DLGAP2: variants seen among roughly 807,000 people sequenced by gnomAD.
DLGAP2 encodes disks large-associated protein 2.
In DLGAP2, 26 loss-of-function variants were observed where a neutral mutation model predicts 100.3. That is an observed-to-expected ratio of 0.26 (90% CI 0.19 to 0.36). DLGAP2 has a LOEUF of 0.36. Ranked by LOEUF, DLGAP2 falls within the 10% of genes least tolerant of loss-of-function variation. DLGAP2 has a pLI of 1.00. For synonymous variants in DLGAP2, 886 were observed against 630.1 expected, an observed-to-expected ratio of 1.41 and a Z score of -6.08; for missense variants, 1,858 against 1,453.2, an observed-to-expected ratio of 1.28 and a Z score of -4.53.
At chr8:738,983 G>A (rs975661631) in intron 1 of DLGAP2, 23 of 152,592 alleles carry the variant, frequency 1.5e-4, no homozygotes, top group Non-Finnish European at 2.1e-4. Context: ...GGTCCTTCCA[G>A]CCCCTGCGCG....
intron 3 of DLGAP2, among the ~76,000 whole-genome samples, chr8:1,302,982 C>A (rs1250074579): frequency 6.6e-6 from 1 of 152,246 alleles, no homozygotes; most frequent in Non-Finnish European, 1.5e-5. Flanking sequence ...GGAGTCATTC[C>A]TTAGCTGTCG....
chr8:1,195,736 G>T (rs183112381), intron 2 of DLGAP2, among the ~76,000 whole-genome samples: 3 of 152,288 alleles, frequency 2.0e-5, no homozygotes, highest in Admixed American at 1.3e-4. Context: ...TTTAATTTTA[G>T]TTACACAGAT....
At chr8:892,264 G>T (rs909964431) in intron 1 of DLGAP2, among the ~76,000 whole-genome samples, 4 of 152,200 alleles carry the variant, frequency 2.6e-5, no homozygotes, top group Non-Finnish European at 5.9e-5. Flanking sequence ...GCTCATAGCG[G>T]CTTGTGCACA....
intron 2 of DLGAP2, among the ~76,000 whole-genome samples, chr8:1,244,679 G>A (rs1463405978): frequency 4.6e-5 from 7 of 152,146 alleles, no homozygotes; most frequent in South Asian, 2.1e-4. Flanking sequence ...TTATAAAACC[G>A]CAAGGACGTG....
intron 2 of DLGAP2, among the ~76,000 whole-genome samples, chr8:1,221,399 T>G (rs1798311636): frequency 3.9e-5 from 6 of 152,232 alleles, no homozygotes. Context: ...TGGAATTTCT[T>G]TTCTTTACGG....
In DLGAP2 at chr8:1,382,880, A is replaced by G. The variant is rs150854581; in HGVS notation, c.107-118486A>G. The stretch of plus-strand genomic sequence containing the variant: ...CCCCCCCAAAAAAGTTCTATAGCCA[A>G]TTAAAATTATGGAAGGGATGTATGT... On this transcript the variant is annotated intron_variant, in intron 3 of 14. Coordinates refer to ENST00000637795, the MANE Select transcript of DLGAP2 (RefSeq NM_001346810.2). Among the ~76,000 whole-genome samples the G allele has an allele frequency of 9.7e-3, 1,483 of 152,326 alleles. 30 individuals carry two copies. The highest frequency in any genetic ancestry group is 0.034 in the African/African-American group (1,400 of 41,576).
chr8:1,226,429 A>G (rs1798417206), intron 2 of DLGAP2, among the ~76,000 whole-genome samples: 1 of 152,148 alleles, frequency 6.6e-6, no homozygotes, highest in South Asian at 2.1e-4. Context: ...ATGAGAAGGT[A>G]TGGACACAGG....
At chr8:1,563,528 G>A (rs981327712) in intron 5 of DLGAP2, among the ~76,000 whole-genome samples, 1 of 147,964 alleles carries the variant, frequency 6.8e-6, no homozygotes, top group African/African-American at 2.5e-5. Context: ...TCGTTACTGC[G>A]GGGACCGTGC....
intron 2 of DLGAP2, among the ~76,000 whole-genome samples, chr8:973,571 G>A (rs1800078750): frequency 6.6e-6 from 1 of 152,240 alleles, no homozygotes; most frequent in South Asian, 2.1e-4. Context: ...CAGCTGGGCA[G>A]AGGCTGCAAT....
At chr8:1,357,027 G>A (rs181055798) in intron 3 of DLGAP2, among the ~76,000 whole-genome samples, 31 of 150,894 alleles carry the variant, frequency 2.1e-4, no homozygotes, top group Non-Finnish European at 3.7e-4. Context: ...AGAATCTGGC[G>A]GGAGAAATCA....
chr8:1,556,986 G>A (rs1297022828), intron 5 of DLGAP2, among the ~76,000 whole-genome samples: 4 of 151,920 alleles, frequency 2.6e-5, no homozygotes, highest in Non-Finnish European at 5.9e-5. Context: ...CTTATGGAAT[G>A]GGGGATGTTG....
At chr8:1,031,612 T>C (rs972093376) in intron 2 of DLGAP2, among the ~76,000 whole-genome samples, 2 of 152,150 alleles carry the variant, frequency 1.3e-5, no homozygotes, top group African/African-American at 2.4e-5. Flanking sequence ...GGTCTCATCA[T>C]GTTGCCCAAG....
At chr8:1,082,615 A>G (rs906136793) in intron 2 of DLGAP2, among the ~76,000 whole-genome samples, 1 of 152,240 alleles carries the variant, frequency 6.6e-6, no homozygotes, top group Non-Finnish European at 1.5e-5. Flanking sequence ...TGTGTCAATC[A>G]TCTGCCTCCA....
chr8:1,501,424 G>C lies in DLGAP2; in HGVS notation c.165G>C (p.Glu55Asp). Reference protein sequence around the residue: ...PGISFPGPAEEDLDPQYSWSP... With the variant: ...PGISFPGPAEDDLDPQYSWSP... ...TCAGCTTTCCGGGGCCGGCAGAGGAGGATCTAGGTAGAGTACAGACGTCAG... is the reference window on the plus strand; with the variant it reads ...TCAGCTTTCCGGGGCCGGCAGAGGACGATCTAGGTAGAGTACAGACGTCAG... Residue 55 changes from glutamate to aspartate, a missense_variant, in exon 4 of 15, where the codon GAG becomes GAC. Transcript: ENST00000637795. The C allele has an allele frequency of 6.5e-7, 1 of 1,535,746 alleles. No homozygotes were observed. The highest frequency in any genetic ancestry group is 8.7e-7 in the Non-Finnish European group (1 of 1,146,730).
intron 2 of DLGAP2, among the ~76,000 whole-genome samples, chr8:937,555 C>CAG (rs1354941088): frequency 2.6e-5 from 4 of 152,102 alleles, no homozygotes; most frequent in Admixed American, 6.5e-5. Context: ...GTGCATTTAT[C>CAG]AGAGAGAGAG....
chr8:1,276,217 C>T (rs977497731), intron 3 of DLGAP2, among the ~76,000 whole-genome samples: 1 of 150,774 alleles, frequency 6.6e-6, no homozygotes, highest in Non-Finnish European at 1.5e-5. Flanking sequence ...CACTCCCCCC[C>T]CGACCCTAGC....
At chr8:1,040,742 A>T (rs1231912234) in intron 2 of DLGAP2, among the ~76,000 whole-genome samples, 1 of 151,982 alleles carries the variant, frequency 6.6e-6, no homozygotes. Flanking sequence ...CTCCGTTCAG[A>T]AGAGGTGCAT....
At chr8:1,181,216 AGT>A (rs1304026002) in intron 2 of DLGAP2, among the ~76,000 whole-genome samples, 1 of 142,570 alleles carries the variant, frequency 7.0e-6, no homozygotes, top group African/African-American at 2.7e-5. Context: ...CTTACTGTCG[AGT>A]GTGGGTGGCT....
chr8:1,596,287 G>T (rs981100401), intron 6 of DLGAP2, among the ~76,000 whole-genome samples: 1 of 152,100 alleles, frequency 6.6e-6, no homozygotes, highest in African/African-American at 2.4e-5. Flanking sequence ...GGTCATTTGG[G>T]TTGGTTCCAA....
Sources: gnomAD v4.1 joint callset for allele counts (sites outside exome capture counted in the v4.1 genomes callset) on GRCh38, gnomAD v4.1.1 for gene constraint, MANE v1.5 for transcripts, NCBI Gene and HGNC (gene_info 2026-07-23, HGNC 2026-07-21) for gene names.